TPM1: variants seen among roughly 807,000 people sequenced by gnomAD.
The protein encoded by TPM1 is tropomyosin 1.
TPM1 carries 24 observed loss-of-function variants against 42.9 expected under a neutral mutation model. The ratio of observed to expected loss-of-function variants is 0.56; its 90% CI spans 0.41 to 0.79. The LOEUF (loss-of-function observed/expected upper bound fraction) is 0.79. Among genes scored for constraint, TPM1 ranks in the 30% least tolerant of loss-of-function variants. The pLI is 0.00. For synonymous variants in TPM1, 136 were observed against 130.1 expected (o/e 1.05, Z -0.31); for missense variants, 158 against 351.8 (o/e 0.45, Z 4.41).
At chr15:63,043,384 T>C (rs926621817) in intron 1 of TPM1, 1 of 591,338 alleles carries the variant, frequency 1.7e-6, no homozygotes, top group African/African-American at 1.8e-5. Flanking sequence ...CCTGGAGTTG[T>C]TACCTAAGAA....
chr15:63,055,540 T>C (rs1375118026), intron 2 of TPM1, among the ~76,000 whole-genome samples: 1 of 152,230 alleles, frequency 6.6e-6, no homozygotes, highest in Non-Finnish European at 1.5e-5. Flanking sequence ...TTGGTTTTAC[T>C]CATCTTACTG....
chr15:63,053,372 T>A (rs2034239364), intron 2 of TPM1, among the ~76,000 whole-genome samples: 1 of 152,082 alleles, frequency 6.6e-6, no homozygotes. Context: ...GAACTGCCAG[T>A]TCCAAGGTTT....
chr15:63,057,997 C>G (rs951850152), intron 3 of TPM1, among the ~76,000 whole-genome samples: 1 of 152,198 alleles, frequency 6.6e-6, no homozygotes, highest in African/African-American at 2.4e-5. Flanking sequence ...CCATTTCTTA[C>G]TCTTTGAAGT....
chr15:63,059,743 C>T, intron 4 of TPM1, 63 bp downstream of exon 4: 2 of 1,201,986 alleles, frequency 1.7e-6, no homozygotes, highest in Non-Finnish European at 2.5e-6. Flanking sequence ...AGCCAGGGAG[C>T]AATGTACAGT....
chr15:63,059,551 C>G lies in TPM1; in HGVS notation c.375-12C>G. 6.2e-7 allele frequency: 1 copy of G among 1,603,450 alleles called. No homozygotes were observed. The highest frequency in any genetic ancestry group is 8.5e-7 in the Non-Finnish European group (1 of 1,172,666). ...CTAAATCTTGGGTTTTCTTGCTTGT[C>G]TTTCTTTTCAGAGGCATGAAAGTCA... On this transcript the variant is annotated splice_polypyrimidine_tract_variant and intron_variant, in intron 3 of 9. Coordinates refer to ENST00000403994, the MANE Select transcript of TPM1 (RefSeq NM_001018005.2).
chr15:63,052,128 T>C (rs2034002263), intron 2 of TPM1, among the ~76,000 whole-genome samples: 1 of 51,838 alleles, frequency 1.9e-5, no homozygotes, highest in Admixed American at 2.2e-4. Flanking sequence ...CTTTTTTGAG[T>C]AGTTCATTGT....
intron 8 of TPM1, chr15:63,063,220 C>G: frequency 1.0e-6 from 1 of 985,306 alleles, no homozygotes. Context: ...AAATGTTGAG[C>G]TTTGAAGCTT....
At chr15:63,064,247 G>C in intron 9 of TPM1, 105 bp downstream of exon 9, 1 of 1,549,404 alleles carries the variant, frequency 6.5e-7, no homozygotes, top group Non-Finnish European at 8.7e-7. Flanking sequence ...TTGCACTCTT[G>C]TGTTCACCCT....
At chr15:63,043,685 C>T in intron 1 of TPM1, 1 of 1,541,616 alleles carries the variant, frequency 6.5e-7, no homozygotes, top group Non-Finnish European at 8.7e-7. Flanking sequence ...GCCGCCCGCG[C>T]CCGCCCGCCG....
chr15:63,044,428 G>T (rs1006415573), intron 2 of TPM1: 2 of 603,892 alleles, frequency 3.3e-6, no homozygotes, highest in Admixed American at 2.9e-5. Flanking sequence ...GCTGAAATTG[G>T]ACTCTGGAGG....
intron 8 of TPM1, chr15:63,063,699 T>G: frequency 4.4e-6 from 1 of 228,084 alleles, no homozygotes; most frequent in South Asian, 7.0e-5. Flanking sequence ...AATTAAAATA[T>G]AGCTCTGCAA....
rs571376065 is a variant in TPM1, at chr15:63,057,239, CTA to C, written c.374+123_374+124del. 65 of 1,340,794 alleles carry C rather than the reference CTA, an allele frequency of 4.8e-5. No individual in the cohort carries two copies. In the East Asian group the frequency reaches 1.5e-3, roughly 31 times the overall value. 83.1% of individuals were successfully genotyped at this position (1,340,794 alleles called of 1,614,324 possible). A position where few individuals can be genotyped will look rare whatever the true frequency, so the allele number is the denominator to read the frequency against. On this transcript the variant is annotated intron_variant, in intron 3 of 9. Transcript: ENST00000403994. ...TCCCCTGGTGGTGGGATCATTTCCT[CTA>C]TTGATCCCAGGTATAACTCGGTTGG... is the stretch of plus-strand genomic sequence containing the variant.
chr15:63,061,543 G>A lies in TPM1; in HGVS notation c.564-170G>A. Reference sequence around the variant, plus strand: ...GCCTTCTGCTGTTGCGAGGTTGGGGGGCAGTGTTCCTGGAAAACCTAAACA... The same window carrying A: ...GCCTTCTGCTGTTGCGAGGTTGGGGAGCAGTGTTCCTGGAAAACCTAAACA... On this transcript the variant is annotated intron_variant, in intron 5 of 9. Coordinates refer to ENST00000403994, the MANE Select transcript of TPM1 (RefSeq NM_001018005.2). The A allele has an allele frequency of 2.1e-5, 16 of 759,338 alleles. 1 individual carries two copies. In the South Asian group the frequency reaches 2.2e-4, roughly 11 times the overall value. 47.0% of individuals were successfully genotyped at this position (759,338 alleles called of 1,614,324 possible).
At chr15:63,065,192 T>G in intron 9 of TPM1, 1 of 985,556 alleles carries the variant, frequency 1.0e-6, no homozygotes, top group Non-Finnish European at 1.2e-6. Context: ...CTTGTTATCA[T>G]GAGAAGAACC....
intron 2 of TPM1, among the ~76,000 whole-genome samples, chr15:63,051,442 T>C (rs1421860600): frequency 2.0e-5 from 3 of 151,716 alleles, no homozygotes; most frequent in Non-Finnish European, 2.9e-5. Context: ...TTCTCCCTCA[T>C]TATACAAATA....
chr15:63,043,628 A>T, intron 1 of TPM1: 3 of 1,532,458 alleles, frequency 2.0e-6, no homozygotes, highest in Admixed American at 2.0e-5. Flanking sequence ...GGCCCCAGCC[A>T]ACCCGACGCC....
At chr15:63,054,631 C>T (rs1394846562) in intron 2 of TPM1, 1 of 152,160 alleles carries the variant, frequency 6.6e-6, no homozygotes, top group East Asian at 1.9e-4. Flanking sequence ...GAGCAGAGAA[C>T]TTGGAACTTG....
rs193922410 is a variant in TPM1 at position 63,062,248 on chromosome 15, A to G, written c.673A>G (p.Ile225Val). 1.2e-6 allele frequency: 2 copies of G among 1,614,022 alleles called. No homozygotes were observed. The highest frequency in any genetic ancestry group is 1.7e-5 in the Admixed American group (1 of 60,012). ...GAAGGAAGACAGATATGAGGAAGAGATCAAGGTCCTTTCCGACAAGCTGAA... is the reference window on the plus strand; with the variant it reads ...GAAGGAAGACAGATATGAGGAAGAGGTCAAGGTCCTTTCCGACAAGCTGAA... The part of the protein sequence containing the change: ...SQKEDRYEEE[I>V]KVLSDKLKEA... The change falls in exon 7 of 10, where the codon ATC (isoleucine) becomes GTC (valine). Residue 225 changes from isoleucine (I) to valine (V), a missense_variant. Around this residue, in one of 4 missense-constraint regions of TPM1, gnomAD observed 64 missense variants for 95.8 expected, o/e 0.67. Transcript: ENST00000403994.
rs199476316 is a variant in TPM1 at position 63,062,219 on chromosome 15, C to T, written c.644C>T (p.Ser215Leu). 2 of 1,613,842 alleles carry T rather than the reference C, an allele frequency of 1.2e-6. No homozygotes were observed. The highest frequency in any genetic ancestry group is 1.7e-5 in the Admixed American group (1 of 59,986). ...KSLEAQAEKYSQKEDRYEEEI... is the reference protein window; with the variant it reads ...KSLEAQAEKYLQKEDRYEEEI... ...GAATGCTCTTTCTAATTACAGTACTCGCAGAAGGAAGACAGATATGAGGAA... is the reference window on the plus strand; with the variant it reads ...GAATGCTCTTTCTAATTACAGTACTTGCAGAAGGAAGACAGATATGAGGAA... The change falls in exon 7 of 10, where the codon TCG (serine) becomes TTG (leucine). Residue 215 changes from serine to leucine, a missense_variant. Physicochemically the swap from Ser to Leu is moderately radical, Grantham distance 145 (BLOSUM62 -2). This residue lies in a region of TPM1 where 64 missense variants were observed against 95.8 expected (regional missense o/e 0.67). Transcript: ENST00000403994.
Sources: allele counts gnomAD v4.1 joint callset (sites outside exome capture counted in the v4.1 genomes callset), GRCh38; gene constraint gnomAD v4.1.1; regional missense constraint gnomAD v4.1.1; transcripts MANE v1.5; gene names NCBI Gene and HGNC (gene_info 2026-07-23, HGNC 2026-07-21).